The following ZNF236 variants were observed in gnomAD, a reference collection of about 807,000 sequenced individuals.
The protein encoded by ZNF236 is regulated by glucose.
In ZNF236, 50 loss-of-function variants were observed where a neutral mutation model predicts 191.2. That is an observed-to-expected ratio of 0.26 (90% CI 0.21 to 0.33). The LOEUF (loss-of-function observed/expected upper bound fraction) is 0.33, where lower values mean the gene tolerates loss of function less well. ZNF236 is among the 10% of genes least tolerant of loss of function. ZNF236 has a pLI of 1.00. For synonymous variants in ZNF236, 907 were observed against 928.8 expected (o/e 0.98, Z 0.43); for missense variants, 1,754 against 2,374.5 (o/e 0.74, Z 5.43).
chr18:76,879,934 G>T (rs553569008), intron 7 of ZNF236, among the ~76,000 whole-genome samples, 179 bp from the exon 8 acceptor site: 1 of 151,964 alleles, frequency 6.6e-6, no homozygotes, highest in South Asian at 2.1e-4. Flanking sequence ...AGTATATTAA[G>T]AGCCAATATC....
rs780524893 is a variant in ZNF236 at position 76,968,194 on chromosome 18, TTTTC to T, written c.5420-17_5420-14del. On this transcript the variant is annotated splice_polypyrimidine_tract_variant and intron_variant, in intron 30 of 30. Coordinates refer to ENST00000320610, the MANE Select transcript of ZNF236 (RefSeq NM_001306089.2). ...TCTGGAAGGTCTGAGGCTGCTTGTG[TTTTC>T]TTTGTCTGCATAACAGGAGCTCTGC... 1 of 1,613,568 alleles carries T rather than the reference TTTTC, an allele frequency of 6.2e-7. No homozygotes were observed. The highest frequency in any genetic ancestry group is 8.5e-7 in the Non-Finnish European group (1 of 1,179,794).
chr18:76,911,130 T>G (rs1967207082), intron 16 of ZNF236, among the ~76,000 whole-genome samples: 1 of 152,236 alleles, frequency 6.6e-6, no homozygotes, highest in Non-Finnish European at 1.5e-5. Flanking sequence ...GCACAAAGCC[T>G]CAACATTTTT....
chr18:76,939,366 A>T (rs1020387673), intron 26 of ZNF236, among the ~76,000 whole-genome samples: 1 of 152,056 alleles, frequency 6.6e-6, no homozygotes, highest in Admixed American at 6.5e-5. Context: ...CAAAATACCC[A>T]TCCTAAGGTG....
chr18:76,950,648 C>G (rs1359294883), intron 27 of ZNF236, among the ~76,000 whole-genome samples: 1 of 152,196 alleles, frequency 6.6e-6, no homozygotes, highest in Admixed American at 6.5e-5. Flanking sequence ...CTCTCAAAGT[C>G]ATCCATGAGG....
At chr18:76,850,929 G>A (rs1407002929) in intron 2 of ZNF236, among the ~76,000 whole-genome samples, 1 of 151,274 alleles carries the variant, frequency 6.6e-6, no homozygotes, top group African/African-American at 2.4e-5. Flanking sequence ...TGTTTATAAT[G>A]ATGGATTTGG....
chr18:76,826,281 T>A (rs1975017318), intron 1 of ZNF236, among the ~76,000 whole-genome samples: 1 of 150,822 alleles, frequency 6.6e-6, no homozygotes, highest in Non-Finnish European at 1.5e-5. Context: ...CTAGCTATTT[T>A]TTTTTTTTTT....
intron 12 of ZNF236, 144 bp from the exon 13 acceptor site, chr18:76,905,011 T>G (rs562204352): frequency 4.9e-4 from 431 of 888,638 alleles, no homozygotes; most frequent in Non-Finnish European, 6.9e-4. Context: ...TCCTCCCTTG[T>G]GAAATGTGGA....
At chr18:76,842,717 C>T (rs1242459482) in intron 1 of ZNF236, among the ~76,000 whole-genome samples, 1 of 151,470 alleles carries the variant, frequency 6.6e-6, no homozygotes, top group Non-Finnish European at 1.5e-5. Flanking sequence ...CGCCATCGCA[C>T]TCCAGCCTGG....
intron 21 of ZNF236, among the ~76,000 whole-genome samples, chr18:76,923,793 ATAGTTGTACCTCCGTCTTTGGG>A (rs1198660351): frequency 2.1e-4 from 32 of 152,286 alleles, no homozygotes; most frequent in African/African-American, 5.8e-4. Context: ...GATGGGGCTA[ATAGTTGTACCTCCGTCTTTGGG>A]AGTTCAGACA....
At chr18:76,870,850 C>T (rs1333683474) in intron 4 of ZNF236, among the ~76,000 whole-genome samples, 1 of 152,044 alleles carries the variant, frequency 6.6e-6, no homozygotes, top group Non-Finnish European at 1.5e-5. Context: ...GGCGGGGCTG[C>T]GGATGTGCAT....
At chr18:76,964,551 A>G (rs142115073) in intron 30 of ZNF236, among the ~76,000 whole-genome samples, 2,786 of 152,306 alleles carry the variant, frequency 0.018, 38 homozygotes, top group Middle Eastern at 0.037. Flanking sequence ...GTTGGATGGA[A>G]TGTTAGGTAT....
chr18:76,864,164 A>G (rs563630484), intron 3 of ZNF236, among the ~76,000 whole-genome samples: 91 of 151,166 alleles, frequency 6.0e-4, no homozygotes, highest in Middle Eastern at 3.5e-3. Context: ...GTCAGCCTCC[A>G]TAATCATGAG....
In ZNF236 at chr18:76,928,113, A is replaced by G. The variant is rs759780534; in HGVS notation, c.4594+7A>G. The G allele has an allele frequency of 8.1e-6, 13 of 1,602,220 alleles. No homozygotes were observed. The highest frequency in any genetic ancestry group is 3.5e-5 in the Admixed American group (2 of 57,550). On this transcript the variant is annotated splice_region_variant and intron_variant, in intron 25 of 30. Coordinates refer to ENST00000320610, the MANE Select transcript of ZNF236 (RefSeq NM_001306089.2). ...ATTACCCTGACTATCTCCGGTTAGT[A>G]AGTTATAATTTTAAACATCTTTTCA...
chr18:76,927,776 C>A lies in ZNF236; in HGVS notation c.4415-151C>A. The A allele has an allele frequency of 2.4e-6, 2 of 819,372 alleles. No homozygotes were observed. The highest frequency in any genetic ancestry group is 3.5e-5 in the Admixed American group (1 of 28,900). 50.8% of individuals were successfully genotyped at this position (819,372 alleles called of 1,614,324 possible). ...TTCCTCACAAGGCTTTCTTCTTAGA[C>A]GAAGGAATTAGAGATGACTGATGCT... On this transcript the variant is annotated intron_variant, in intron 24 of 30. Transcript: ENST00000320610. This position sits in a 1 kb window ranked among gnomAD's most constrained non-coding sequence, Gnocchi z 5.4.
rs538300848 is a variant in ZNF236 at position 76,970,685 on chromosome 18, A to G, written c.*2346A>G. On this transcript the variant is annotated 3_prime_UTR_variant, in exon 31 of 31. Coordinates refer to ENST00000320610, the MANE Select transcript of ZNF236 (RefSeq NM_001306089.2). ...TTTTAGAACTATCTCATCATAGCATATCTGCTTTGGAATAACTATAAATAA... is the reference window on the plus strand; with the variant it reads ...TTTTAGAACTATCTCATCATAGCATGTCTGCTTTGGAATAACTATAAATAA... 1 of 152,622 alleles carries G rather than the reference A, an allele frequency of 6.6e-6. No homozygotes were observed. Among genetic ancestry groups the G allele is most frequent in the Non-Finnish European group, 1.5e-5 (1 of 68,032 alleles). The allele number at this position is 152,622 out of a possible 1,614,324, so 9.5% of individuals were successfully genotyped here.
rs1373603460 is a variant in ZNF236 at position 76,919,904 on chromosome 18, A to G, written c.3403A>G (p.Thr1135Ala). The G allele has an allele frequency of 1.9e-6, 3 of 1,614,240 alleles. No homozygotes were observed. The highest frequency in any genetic ancestry group is 2.2e-5 in the South Asian group (2 of 91,082). ...CAAGATCCGGCCGCAGGAGAGCGCC[A>G]CGGTGTCAGAGAAGGTCCTGGTGCA... Reference protein sequence around the residue: ...LAKIRPQESATVSEKVLVQSA... With the variant: ...LAKIRPQESAAVSEKVLVQSA... Residue 1135 changes from threonine to alanine, a missense_variant, in exon 20 of 31, where the codon ACG (threonine) becomes GCG (alanine). Coordinates refer to ENST00000320610, the MANE Select transcript of ZNF236 (RefSeq NM_001306089.2). This position sits in a 1 kb window ranked among gnomAD's most constrained non-coding sequence, Gnocchi z 5.3.
chr18:76,908,209 T>A lies in ZNF236; in HGVS notation c.2298-111T>A, dbSNP rs1599383527. On this transcript the variant is annotated intron_variant, in intron 13 of 30. Coordinates refer to ENST00000320610, the MANE Select transcript of ZNF236 (RefSeq NM_001306089.2). ...TTGCCATCATGACTTCAAAATGAAA[T>A]CATTAATAAAAAATGTTATTTAATC... 6.5e-6 allele frequency: 9 copies of A among 1,381,478 alleles called. No homozygotes were observed. In the East Asian group the frequency reaches 2.1e-4, roughly 32 times the overall value. The allele number at this position is 1,381,478 out of a possible 1,614,324, so 85.6% of individuals were successfully genotyped here. A position where few individuals can be genotyped will look rare whatever the true frequency, so the allele number is the denominator to read the frequency against.
At chr18:76,915,608 G>T in intron 18 of ZNF236, 39 bp from the exon 19 acceptor site, 3 of 1,600,016 alleles carry the variant, frequency 1.9e-6, no homozygotes, top group Admixed American at 1.7e-5. Flanking sequence ...AGTGAAATAG[G>T]ATTGGTTCCA....
chr18:76,867,141 A>T (rs939602549), intron 3 of ZNF236, among the ~76,000 whole-genome samples: 1 of 151,622 alleles, frequency 6.6e-6, no homozygotes, highest in Non-Finnish European at 1.5e-5. Flanking sequence ...GGGTTTTGTG[A>T]TGTGATTTTG....
Sources: gnomAD v4.1 joint callset for allele counts (sites outside exome capture counted in the v4.1 genomes callset) on GRCh38, gnomAD v4.1.1 for gene constraint, Gnocchi (gnomAD v3.1) non-coding constraint, MANE v1.5 for transcripts, NCBI Gene and HGNC (gene_info 2026-07-23, HGNC 2026-07-21) for gene names.